The following DSP variants were observed in gnomAD, a reference collection of about 807,000 sequenced individuals.
DSP encodes 250/210 kDa paraneoplastic pemphigus antigen.
In DSP, 114 loss-of-function variants were observed where a neutral mutation model predicts 290.6. The ratio of observed to expected loss-of-function variants is 0.39; its 90% CI spans 0.34 to 0.46. DSP has a LOEUF of 0.46. Among genes scored for constraint, DSP ranks in the 20% least tolerant of loss-of-function variants. The pLI, the probability that DSP is intolerant of heterozygous loss-of-function variation, is 0.99. For missense variants in DSP, 3,230 were observed against 3,495.8 expected, an observed-to-expected ratio of 0.92 and a Z score of 1.92; for synonymous variants, 1,311 against 1,316.4, an observed-to-expected ratio of 1.00 and a Z score of 0.09.
chr6:7,573,958 A>C, intron 15 of DSP, 128 bp from the exon 16 acceptor site: 3 of 1,030,718 alleles, frequency 2.9e-6, no homozygotes, highest in Non-Finnish European at 4.4e-6. Flanking sequence ...TGATGTGTTA[A>C]TTTACTTACC....
rs749609226 is a variant in DSP at position 7,555,735 on chromosome 6, C to G, written c.188C>G (p.Ser63Cys). 2.5e-6 allele frequency: 4 copies of G among 1,614,214 alleles called. No individual in the cohort carries two copies. The highest frequency in any genetic ancestry group is 1.1e-5 in the South Asian group (1 of 91,082). The change falls in exon 2 of 24, where the codon TCC becomes TGC. Residue 63 changes from serine to cysteine, a missense_variant. Coordinates refer to ENST00000379802, the MANE Select transcript of DSP (RefSeq NM_004415.4). ...CTCCTTAGTCAAACCGGCACGATGT[C>G]CAGGCACCAGAACCAGAACACCATC... is the stretch of plus-strand genomic sequence containing the variant. ...SDGYCQTGTM[S>C]RHQNQNTIQE...
rs747021397 is a variant in DSP, at chr6:7,555,842, C to T, written c.273+22C>T. 17 of 1,608,156 alleles carry T rather than the reference C, an allele frequency of 1.1e-5. No individual in the cohort carries two copies. In the East Asian group the frequency reaches 2.9e-4, roughly 28 times the overall value. The stretch of plus-strand genomic sequence containing the variant: ...GCCTGTAAGCTTTCCCTGTTCCCAT[C>T]GCTTCTCCCAAAGCCTTGGCCACAC... On this transcript the variant is annotated intron_variant, in intron 2 of 23. Coordinates refer to ENST00000379802, the MANE Select transcript of DSP (RefSeq NM_004415.4).
At chr6:7,558,714 A>G (rs1344421197) in intron 3 of DSP, among the ~76,000 whole-genome samples, 1 of 152,104 alleles carries the variant, frequency 6.6e-6, no homozygotes, top group African/African-American at 2.4e-5. Context: ...GGGTTTTGCC[A>G]TGTTGCTTAG....
chr6:7,575,269 C>T (rs1291926478), intron 17 of DSP, 26 bp from the exon 18 acceptor site: 1 of 1,610,588 alleles, frequency 6.2e-7, no homozygotes, highest in East Asian at 2.2e-5. Flanking sequence ...GATTAATTTG[C>T]AATCTTTTTT....
chr6:7,580,105 C>T lies in DSP; in HGVS notation c.3915C>T (p.Asp1305=). 1.2e-6 allele frequency: 2 copies of T among 1,614,016 alleles called. No individual in the cohort carries two copies. The highest frequency in any genetic ancestry group is 1.7e-6 in the Non-Finnish European group (2 of 1,179,964). The stretch of plus-strand genomic sequence containing the variant: ...AGGTCATGCAGCAGCGCTCTGAGGA[C>T]AATGCCCGGCACAAGCAGTCCCTGG... ...LKQVMQQRSE[D]NARHKQSLEE... is the part of the protein sequence containing the mutation. Residue 1305 remains aspartate (D), a synonymous_variant, in exon 23 of 24, where the codon GAC becomes GAT. Transcript: ENST00000379802. The surrounding 1 kb of genome is among the most constrained non-coding windows in gnomAD (Gnocchi z 4.2).
At chr6:7,563,155 A>G (rs1042821389) in intron 5 of DSP, among the ~76,000 whole-genome samples, 2 of 152,128 alleles carry the variant, frequency 1.3e-5, no homozygotes, top group Non-Finnish European at 2.9e-5. Context: ...GGTAATTAAA[A>G]CATTATTTCT....
At position 7,585,356 on chromosome 6, in the gene DSP, C is replaced by T. The variant is rs1201885200; in HGVS notation, c.8094C>T (p.Phe2698=). The change falls in exon 24 of 24, where the codon TTC becomes TTT. Residue 2698 remains phenylalanine, a synonymous_variant. Coordinates refer to ENST00000379802, the MANE Select transcript of DSP (RefSeq NM_004415.4). ...LKPAQKAFIG[F]EGVKGKKKMS... ...CTGCTCAGAAAGCCTTCATAGGCTTCGAGGGTGTGAAGGGAAAGAAGAAGA... is the reference window on the plus strand; with the variant it reads ...CTGCTCAGAAAGCCTTCATAGGCTTTGAGGGTGTGAAGGGAAAGAAGAAGA... The T allele has an allele frequency of 1.2e-6, 2 of 1,613,974 alleles. No homozygotes were observed. The highest frequency in any genetic ancestry group is 2.7e-5 in the African/African-American group (2 of 74,984).
At position 7,569,234 on chromosome 6, in the gene DSP, C is replaced by T. The variant is rs781084693; in HGVS notation, c.1468C>T (p.Arg490Cys). The T allele has an allele frequency of 4.3e-5, 69 of 1,614,024 alleles. No homozygotes were observed. The highest frequency in any genetic ancestry group is 5.1e-5 in the Non-Finnish European group (60 of 1,180,036). ...GTGTATCCTGAAGGACAACAACGAGCGCAGCAAGTGGTACGTGACGGGCCC... is the reference window on the plus strand; with the variant it reads ...GTGTATCCTGAAGGACAACAACGAGTGCAGCAAGTGGTACGTGACGGGCCC... The part of the protein sequence containing the change: ...DECILKDNNE[R>C]SKWYVTGPGG... Residue 490 changes from arginine to cysteine, a missense_variant, in exon 12 of 24, where the codon CGC becomes TGC. Physicochemically the swap from Arg to Cys is radical, Grantham distance 180. Coordinates refer to ENST00000379802, the MANE Select transcript of DSP (RefSeq NM_004415.4).
chr6:7,571,723 T>C (rs1759059432), intron 14 of DSP, 119 bp from the exon 15 acceptor site: 8 of 1,508,226 alleles, frequency 5.3e-6, no homozygotes, highest in African/African-American at 1.4e-5. Context: ...ATTTTCAGAA[T>C]TGATTCTGAA....
At chr6:7,562,050 T>C (rs1035775755) in intron 4 of DSP, among the ~76,000 whole-genome samples, 4 of 152,180 alleles carry the variant, frequency 2.6e-5, no homozygotes, top group African/African-American at 9.7e-5. Flanking sequence ...CCAACACTCA[T>C]GGAAATTGAA....
At chr6:7,564,999 C>T (rs1464530478) in intron 6 of DSP, among the ~76,000 whole-genome samples, 3 of 152,100 alleles carry the variant, frequency 2.0e-5, no homozygotes, top group Non-Finnish European at 4.4e-5. Flanking sequence ...CAAAAATTAG[C>T]AGGACGTGGT....
At chr6:7,542,593 AACG>A (rs552706761) in intron 1 of DSP, among the ~76,000 whole-genome samples, 1 of 152,090 alleles carries the variant, frequency 6.6e-6, no homozygotes, top group Admixed American at 6.5e-5. Context: ...CCACGACTGC[AACG>A]ACTCCTGGAC....
At chr6:7,574,577 C>G (rs746394888) in intron 16 of DSP, 80 bp from the exon 17 acceptor site, 25 of 1,591,564 alleles carry the variant, frequency 1.6e-5, no homozygotes, top group Admixed American at 6.7e-5. Flanking sequence ...TGTTCCCTTT[C>G]ATTACTAGCT....
intron 1 of DSP, among the ~76,000 whole-genome samples, chr6:7,549,499 A>T (rs957287864): frequency 2.6e-5 from 4 of 152,180 alleles, no homozygotes; most frequent in African/African-American, 4.8e-5. Context: ...TTAAAAATAT[A>T]TTTTTCTTTT....
intron 3 of DSP, among the ~76,000 whole-genome samples, chr6:7,558,947 C>G (rs1180510195): frequency 6.6e-6 from 1 of 152,076 alleles, no homozygotes; most frequent in Non-Finnish European, 1.5e-5. Context: ...GGAAAACTCC[C>G]AGGACAAAAC....
chr6:7,567,559 C>T, intron 9 of DSP, 110 bp downstream of exon 9: 1 of 1,217,788 alleles, frequency 8.2e-7, no homozygotes, highest in South Asian at 1.2e-5. Flanking sequence ...CATAAATCCT[C>T]TTCATTGATT....
intron 1 of DSP, among the ~76,000 whole-genome samples, chr6:7,542,530 T>C (rs1422255861): frequency 6.6e-6 from 1 of 152,084 alleles, no homozygotes; most frequent in Non-Finnish European, 1.5e-5. Flanking sequence ...CGAGTGGTGC[T>C]CGGGGCTCCG....
Position 7,584,967 on chromosome 6 carries a change from A to C in DSP, c.7705A>C (p.Thr2569Pro). The change falls in exon 24 of 24, where the codon ACC (threonine) becomes CCC (proline). Residue 2569 changes from threonine (T) to proline (P), a missense_variant. By Grantham distance (38) the Thr-to-Pro change is conservative. This residue lies in a region of DSP where 582 missense variants were observed against 555.4 expected (regional missense o/e 1.05). Coordinates refer to ENST00000379802, the MANE Select transcript of DSP (RefSeq NM_004415.4). This position sits in a 1 kb window ranked among gnomAD's most constrained non-coding sequence, Gnocchi z 6.4. The part of the protein sequence containing the change: ...DMISLKNGVG[T>P]SSSMGSGVSD... The stretch of plus-strand genomic sequence containing the variant: ...GATCTCCTTGAAAAATGGTGTCGGC[A>C]CCAGCAGCAGCATGGGCAGTGGTGT... 1 of 1,614,234 alleles carries C rather than the reference A, an allele frequency of 6.2e-7. No individual in the cohort carries two copies. Among genetic ancestry groups the C allele is most frequent in the Non-Finnish European group, 8.5e-7 (1 of 1,180,036 alleles).
chr6:7,573,309 T>A (rs989906608), intron 15 of DSP, among the ~76,000 whole-genome samples: 1 of 152,096 alleles, frequency 6.6e-6, no homozygotes, highest in Non-Finnish European at 1.5e-5. Context: ...CCAGGTGCGG[T>A]GGCTCACGCC....
Sources: allele counts gnomAD v4.1 joint callset (sites outside exome capture counted in the v4.1 genomes callset), GRCh38; gene constraint gnomAD v4.1.1; regional missense constraint gnomAD v4.1.1; non-coding constraint Gnocchi (gnomAD v3.1); transcripts MANE v1.5; gene names NCBI Gene and HGNC (gene_info 2026-07-23, HGNC 2026-07-21).